Variants in IQSEC1 observed in about 807,000 individuals in gnomAD.
IQSEC1 encodes the protein IQ motif and SEC7 domain-containing protein 1.
Under a neutral mutation model 91.0 loss-of-function variants are expected in IQSEC1, and 31 were observed. The ratio of observed to expected loss-of-function variants is 0.34; its 90% CI spans 0.26 to 0.46. The LOEUF is 0.46. IQSEC1 is among the 20% of genes least tolerant of loss of function. The probability of loss-of-function intolerance (pLI) is 1.00; values close to 1 mark genes in which losing one functional copy is unlikely to be tolerated. For missense variants in IQSEC1, 1,388 were observed against 1,575.6 expected, an observed-to-expected ratio of 0.88 and a Z score of 2.02; for synonymous variants, 699 against 662.6, an observed-to-expected ratio of 1.05 and a Z score of -0.84.
chr3:12,915,892 A>G (rs531237387), intron 6 of IQSEC1, among the ~76,000 whole-genome samples, 159 bp from the exon 7 acceptor site: 5 of 152,170 alleles, frequency 3.3e-5, no homozygotes, highest in Admixed American at 6.5e-5. Flanking sequence ...AGTCAACACA[A>G]ATTTCCTCAG....
At chr3:13,232,198 T>C (rs545184856) in intron 1 of IQSEC1, among the ~76,000 whole-genome samples, 22 of 152,316 alleles carry the variant, frequency 1.4e-4, no homozygotes, top group African/African-American at 5.3e-4. Flanking sequence ...CTATCCTAGA[T>C]GGGTTGTTCT....
At chr3:13,223,424 G>T (rs1201118659) in intron 1 of IQSEC1, among the ~76,000 whole-genome samples, 4 of 152,180 alleles carry the variant, frequency 2.6e-5, no homozygotes, top group African/African-American at 9.7e-5. Flanking sequence ...TCCACCCCTG[G>T]GGAGTGGAAA....
intron 1 of IQSEC1, among the ~76,000 whole-genome samples, chr3:13,037,626 G>T (rs1192876166): frequency 1.3e-5 from 2 of 152,168 alleles, no homozygotes; most frequent in Non-Finnish European, 2.9e-5. Flanking sequence ...GTCCATTCGT[G>T]GATGAAAGGA....
Position 12,909,195 on chromosome 3 carries a change from G to A in IQSEC1, c.2578+78C>T. 2 of 1,470,680 alleles carry A rather than the reference G, an allele frequency of 1.4e-6. No individual in the cohort carries two copies. Among genetic ancestry groups the A allele is most frequent in the Non-Finnish European group, 9.4e-7 (1 of 1,065,538 alleles). 91.1% of individuals were successfully genotyped at this position (1,470,680 alleles called of 1,614,324 possible). A position where few individuals can be genotyped will look rare whatever the true frequency, so the allele number is the denominator to read the frequency against. Reference sequence around the variant, plus strand: ...ACATCTTGTCTCTGTGAGCTCAGAAGTCACTGCCCTGACATGGGGAGGCAA... The same window carrying A: ...ACATCTTGTCTCTGTGAGCTCAGAAATCACTGCCCTGACATGGGGAGGCAA... On this transcript the variant is annotated intron_variant, in intron 11 of 13. Transcript: ENST00000613206. This position sits in a 1 kb window ranked among gnomAD's most constrained non-coding sequence, Gnocchi z 4.9.
chr3:13,082,086 C>T (rs530164927), intron 2 of IQSEC1, among the ~76,000 whole-genome samples: 2 of 152,286 alleles, frequency 1.3e-5, no homozygotes, highest in Non-Finnish European at 2.9e-5. Context: ...GCCCCCGAGT[C>T]GCGCAGGGCA....
In IQSEC1 at chr3:12,920,593, C is replaced by T. The variant is rs1696535721; in HGVS notation, c.1857G>A (p.Gln619=). The T allele has an allele frequency of 2.5e-6, 4 of 1,613,982 alleles. No individual in the cohort carries two copies. The highest frequency in any genetic ancestry group is 1.7e-6 in the Non-Finnish European group (2 of 1,179,986). Residue 619 remains glutamine, a synonymous_variant, in exon 6 of 14, where the codon CAG becomes CAA. Transcript: ENST00000613206. ...KVERLIEAFS[Q]RYCICNPGVV... The stretch of plus-strand genomic sequence containing the variant: ...CCCCAGGGTTGCAGATGCAGTAGCG[C>T]TGGCTGCGGGCCGGGAGGGAGGGGG...
At chr3:12,934,750 T>A (rs549058634) in intron 3 of IQSEC1, among the ~76,000 whole-genome samples, 1 of 152,240 alleles carries the variant, frequency 6.6e-6, no homozygotes, top group East Asian at 1.9e-4. Flanking sequence ...CTGCTTTAAA[T>A]ACCCATCGCT....
At chr3:13,032,027 G>A (rs1170421285) in intron 1 of IQSEC1, among the ~76,000 whole-genome samples, 1 of 152,074 alleles carries the variant, frequency 6.6e-6, no homozygotes, top group African/African-American at 2.4e-5. Context: ...CCTTCACCCA[G>A]GCTCCCCACT....
intron 1 of IQSEC1, among the ~76,000 whole-genome samples, chr3:13,222,099 C>G (rs1281931197): frequency 6.6e-6 from 1 of 152,170 alleles, no homozygotes; most frequent in Non-Finnish European, 1.5e-5. Context: ...ACTTTCTCAT[C>G]TTCCCCAACT....
chr3:13,067,685 G>T (rs975239049), intron 1 of IQSEC1, among the ~76,000 whole-genome samples: 28 of 152,234 alleles, frequency 1.8e-4, no homozygotes, highest in African/African-American at 5.3e-4. Flanking sequence ...CCACCCACAA[G>T]GGCACACAGA....
intron 1 of IQSEC1, among the ~76,000 whole-genome samples, chr3:13,006,465 G>A (rs1702639391): frequency 6.6e-6 from 1 of 152,210 alleles, no homozygotes; most frequent in African/African-American, 2.4e-5. Flanking sequence ...GCACATGGAG[G>A]GGCCTGAGCT....
intron 2 of IQSEC1, among the ~76,000 whole-genome samples, chr3:13,163,855 A>T (rs1489750414): frequency 6.6e-6 from 1 of 152,086 alleles, no homozygotes; most frequent in Non-Finnish European, 1.5e-5. Flanking sequence ...AACCTAGGTG[A>T]TCTCTGCAGA....
chr3:12,939,311 C>G (rs79934797), intron 2 of IQSEC1, among the ~76,000 whole-genome samples: 5,029 of 152,262 alleles, frequency 0.033, 273 homozygotes, highest in African/African-American at 0.11. Context: ...AAGAGGAACC[C>G]GGAAGAATGC....
intron 12 of IQSEC1, among the ~76,000 whole-genome samples, chr3:12,907,103 A>G (rs1395724667): frequency 6.6e-6 from 1 of 152,226 alleles, no homozygotes; most frequent in African/African-American, 2.4e-5. Context: ...ACGGTCCCCC[A>G]GCAAGGAGTC....
rs919766623 is a variant in IQSEC1, at chr3:13,120,695, C to A, written c.302+43409G>T. ...CCAAGGGAGGAGGGCCGAGCAACGA[C>A]GGGCTGGCCAGGTAGAGAGGCAGGA... On this transcript the variant is annotated intron_variant, in intron 2 of 15. Coordinates refer to the IQSEC1 transcript ENST00000648114. Among the ~76,000 whole-genome samples, 4 of 152,322 alleles carry A rather than the reference C, an allele frequency of 2.6e-5. No individual in the cohort carries two copies. The South Asian group carries it at 8.3e-4, about 32-fold the overall frequency.
intron 1 of IQSEC1, among the ~76,000 whole-genome samples, chr3:13,246,354 G>T (rs557561011): frequency 6.6e-6 from 1 of 152,256 alleles, no homozygotes; most frequent in Non-Finnish European, 1.5e-5. Flanking sequence ...AGGGGCTGGG[G>T]CAGGGGAATA....
At chr3:12,969,653 C>T (rs1700800082) in intron 1 of IQSEC1, among the ~76,000 whole-genome samples, 1 of 152,176 alleles carries the variant, frequency 6.6e-6, no homozygotes, top group Admixed American at 6.5e-5. Flanking sequence ...TTCCCCCAGC[C>T]CAGCTGCTGG....
intron 2 of IQSEC1, among the ~76,000 whole-genome samples, chr3:13,128,291 C>T (rs1028007376): frequency 6.6e-5 from 10 of 152,154 alleles, no homozygotes; most frequent in African/African-American, 2.2e-4. Flanking sequence ...ACTAATGATG[C>T]TATCAGTAGG....
intron 2 of IQSEC1, among the ~76,000 whole-genome samples, chr3:13,155,147 T>G (rs1707064944): frequency 1.3e-5 from 2 of 152,260 alleles, no homozygotes; most frequent in East Asian, 3.9e-4. Context: ...AGAGATAAAC[T>G]GATAATATCA....
Sources: gnomAD v4.1 joint callset for allele counts (sites outside exome capture counted in the v4.1 genomes callset) on GRCh38, gnomAD v4.1.1 for gene constraint, Gnocchi (gnomAD v3.1) non-coding constraint, MANE v1.5 for transcripts, NCBI Gene and HGNC (gene_info 2026-07-23, HGNC 2026-07-21) for gene names.